The following GNG12 variants were observed in gnomAD, a reference collection of about 807,000 sequenced individuals.
The protein encoded by GNG12 is guanine nucleotide-binding protein G(I)/G(S)/G(O) subunit gamma-12.
For synonymous variants in GNG12, 28 were observed against 29.7 expected, an observed-to-expected ratio of 0.94 and a Z score of 0.19; for missense variants, 69 against 83.8, an observed-to-expected ratio of 0.82 and a Z score of 0.69.
intron 2 of GNG12, among the ~76,000 whole-genome samples, chr1:67,747,653 A>G (rs1323993104): frequency 6.6e-6 from 1 of 152,240 alleles, no homozygotes. Flanking sequence ...AGCAAATATT[A>G]ATGCTATCTG....
chr1:67,735,371 T>G (rs1646447129), intron 2 of GNG12, among the ~76,000 whole-genome samples: 1 of 152,178 alleles, frequency 6.6e-6, no homozygotes. Context: ...CCGAGGAACA[T>G]CTCATGAGAT....
At chr1:67,751,357 C>T (rs1646538051) in intron 2 of GNG12, among the ~76,000 whole-genome samples, 1 of 152,174 alleles carries the variant, frequency 6.6e-6, no homozygotes, top group East Asian at 1.9e-4. Flanking sequence ...CTTCTCACTA[C>T]AGCATAGGGA....
intron 2 of GNG12, among the ~76,000 whole-genome samples, chr1:67,714,663 G>A (rs1321243113): frequency 4.6e-5 from 7 of 152,132 alleles, no homozygotes; most frequent in East Asian, 3.9e-4. Flanking sequence ...ACTGGACTGC[G>A]GGGCTGGAAA....
intron 1 of GNG12, among the ~76,000 whole-genome samples, chr1:67,787,976 T>A (rs867141272): frequency 6.6e-6 from 1 of 152,156 alleles, no homozygotes; most frequent in Non-Finnish European, 1.5e-5. Flanking sequence ...TACTCAGAGT[T>A]TGTGAGGCAC....
intron 1 of GNG12, among the ~76,000 whole-genome samples, chr1:67,824,764 G>C (rs1033630158): frequency 3.3e-5 from 5 of 152,278 alleles, no homozygotes; most frequent in African/African-American, 9.6e-5. Context: ...GAAGAAACCT[G>C]GGTTTAGGCA....
intron 1 of GNG12, among the ~76,000 whole-genome samples, chr1:67,822,060 T>A (rs1431032372): frequency 2.9e-5 from 4 of 136,356 alleles, no homozygotes; most frequent in African/African-American, 1.1e-4. Context: ...CGATAGCTGA[T>A]GAGCTGAAAA....
intron 1 of GNG12, among the ~76,000 whole-genome samples, chr1:67,830,616 T>C (rs1371672439): frequency 2.0e-5 from 3 of 152,224 alleles, no homozygotes; most frequent in Non-Finnish European, 4.4e-5. Flanking sequence ...CTATTTGAAA[T>C]ATAAATTCTC....
intron 1 of GNG12, among the ~76,000 whole-genome samples, chr1:67,781,391 T>A (rs1274436593): frequency 6.6e-6 from 1 of 152,176 alleles, no homozygotes; most frequent in Non-Finnish European, 1.5e-5. Flanking sequence ...ATACTGAATG[T>A]AAATCATGTG....
Position 67,713,192 on chromosome 1 carries a change from G to A in GNG12, c.-26-5480C>T, listed in dbSNP as rs542348177. 1.3e-4 allele frequency among the ~76,000 whole-genome samples: 20 copies of A among 152,296 alleles called. No homozygotes were observed. In the South Asian group the frequency reaches 2.5e-3, roughly 19 times the overall value. On this transcript the variant is annotated intron_variant, in intron 2 of 3. Coordinates refer to ENST00000370982, the MANE Select transcript of GNG12 (RefSeq NM_018841.6). ...ACTGAAGTTAGCATCTGCAGATCTT[G>A]AGCCACCAAGTATTCTATCCCACCC...
chr1:67,805,832 A>T (rs1646891592), intron 1 of GNG12, among the ~76,000 whole-genome samples: 2 of 134,626 alleles, frequency 1.5e-5, no homozygotes, highest in South Asian at 4.4e-4. Flanking sequence ...ATAAATACTT[A>T]AAAAAAAAAA....
chr1:67,785,295 C>G (rs535119241), intron 1 of GNG12, among the ~76,000 whole-genome samples: 1 of 152,244 alleles, frequency 6.6e-6, no homozygotes, highest in Non-Finnish European at 1.5e-5. Context: ...GTTTTTTATA[C>G]AGGCAAAATA....
chr1:67,796,237 T>C (rs1181577444), intron 1 of GNG12, among the ~76,000 whole-genome samples: 2 of 152,222 alleles, frequency 1.3e-5, no homozygotes, highest in African/African-American at 4.8e-5. Flanking sequence ...ATCCCCAGTG[T>C]CTGAATGCTG....
At chr1:67,762,512 TAAAG>T (rs1438290685) in intron 2 of GNG12, among the ~76,000 whole-genome samples, 2 of 152,142 alleles carry the variant, frequency 1.3e-5, no homozygotes, top group East Asian at 3.9e-4. Flanking sequence ...ATACAAAAAG[TAAAG>T]AAAAACAAGA....
intron 2 of GNG12, among the ~76,000 whole-genome samples, chr1:67,763,157 A>G (rs952254979): frequency 2.7e-5 from 4 of 148,148 alleles, no homozygotes; most frequent in African/African-American, 7.4e-5. Context: ...ATTTCAGTGT[A>G]TACTTCCTAT....
intron 2 of GNG12, among the ~76,000 whole-genome samples, chr1:67,736,697 C>A (rs1489780605): frequency 6.6e-6 from 1 of 152,194 alleles, no homozygotes; most frequent in Non-Finnish European, 1.5e-5. Context: ...CAGACAGTTC[C>A]TTGGTAAGAA....
In GNG12 at chr1:67,795,139, T is replaced by C. The variant is rs1051628860; in HGVS notation, c.-76-17632A>G. ...TGCGCTTTTTACTATCCCATGCAGC[T>C]TCAAACAGTAATCTCTTTGTTGGCC... On this transcript the variant is annotated intron_variant, in intron 1 of 3. Coordinates refer to ENST00000370982, the MANE Select transcript of GNG12 (RefSeq NM_018841.6). 9.2e-5 allele frequency among the ~76,000 whole-genome samples: 14 copies of C among 152,358 alleles called. 1 individual carries two copies. In the East Asian group the frequency reaches 2.7e-3, roughly 29 times the overall value.
chr1:67,710,527 A>G (rs1220300258), intron 2 of GNG12, among the ~76,000 whole-genome samples: 1 of 151,984 alleles, frequency 6.6e-6, no homozygotes, highest in African/African-American at 2.4e-5. Context: ...AATTGCTCCC[A>G]CCCGGCATGG....
At chr1:67,708,154 C>T (rs1322189835) in intron 2 of GNG12, among the ~76,000 whole-genome samples, 1 of 152,168 alleles carries the variant, frequency 6.6e-6, no homozygotes, top group East Asian at 1.9e-4. Flanking sequence ...GCTCTTGCCC[C>T]CAACTATTAG....
At chr1:67,779,020 G>T (rs1646722433) in intron 1 of GNG12, among the ~76,000 whole-genome samples, 1 of 152,158 alleles carries the variant, frequency 6.6e-6, no homozygotes. Flanking sequence ...GACCAAAGTG[G>T]TGGTGGCTGG....
Sources: gnomAD v4.1 joint callset for allele counts (sites outside exome capture counted in the v4.1 genomes callset) on GRCh38, gnomAD v4.1.1 for gene constraint, MANE v1.5 for transcripts, NCBI Gene and HGNC (gene_info 2026-07-23, HGNC 2026-07-21) for gene names.